The following EVC variants were observed in gnomAD, a reference collection of about 807,000 sequenced individuals.
The protein encoded by EVC is EvC ciliary complex subunit 1.
EVC carries 116 observed loss-of-function variants against 118.9 expected under a neutral mutation model. The observed-to-expected ratio is 0.98, with a 90% confidence interval of 0.84 to 1.14. EVC has a LOEUF of 1.14. Among genes scored for constraint, EVC ranks in the 50% most tolerant of loss-of-function variants. EVC has a pLI of 0.00. For missense variants in EVC, 1,401 were observed against 1,246.4 expected, an observed-to-expected ratio of 1.12 and a Z score of -1.87; for synonymous variants, 619 against 534.7, an observed-to-expected ratio of 1.16 and a Z score of -2.18.
intron 11 of EVC, among the ~76,000 whole-genome samples, chr4:5,767,373 C>T (rs529114414): frequency 1.5e-5 from 2 of 134,732 alleles, no homozygotes; most frequent in South Asian, 5.1e-4. Flanking sequence ...GCCCTGCCCC[C>T]GGAGATGGAA....
chr4:5,821,588 C>G, the EVC span: 1 of 636,002 alleles, frequency 1.6e-6, no homozygotes, highest in Non-Finnish European at 2.7e-6. The surrounding 1 kb of genome is among the most constrained non-coding windows in gnomAD (Gnocchi z 4.4). Context: ...TCCAAGCAAA[C>G]ACACCACACT....
chr4:5,713,618 A>G (rs1723412327), intron 1 of EVC, among the ~76,000 whole-genome samples: 1 of 143,406 alleles, frequency 7.0e-6, no homozygotes, highest in Non-Finnish European at 1.5e-5. Context: ...CGGAGGTTGC[A>G]GTGAGCCAAG....
At chr4:5,800,709 G>A (rs1304061314) in intron 15 of EVC, among the ~76,000 whole-genome samples, 2 of 152,318 alleles carry the variant, frequency 1.3e-5, no homozygotes, top group East Asian at 3.9e-4. Flanking sequence ...GAGGGGTGGA[G>A]TGGGAGCCCC....
chr4:5,822,678 G>T, the EVC span, among the ~76,000 whole-genome samples: 10 of 152,178 alleles, frequency 6.6e-5, no homozygotes, highest in African/African-American at 2.4e-4. Context: ...AAGGTGGGAA[G>T]GATAGAGTCC....
chr4:5,745,047 G>A (rs1444092931), intron 6 of EVC, among the ~76,000 whole-genome samples, 157 bp from the exon 7 acceptor site: 1 of 150,482 alleles, frequency 6.6e-6, no homozygotes, highest in African/African-American at 2.5e-5. Flanking sequence ...TGAGAAAATG[G>A]GTCAAACCTC....
At chr4:5,767,676 G>T (rs1321972277) in intron 11 of EVC, among the ~76,000 whole-genome samples, 1 of 152,108 alleles carries the variant, frequency 6.6e-6, no homozygotes, top group Non-Finnish European at 1.5e-5. Flanking sequence ...GGTGCCATCT[G>T]TCACCCCTTT....
chr4:5,716,314 T>C (rs1305219490), intron 1 of EVC, among the ~76,000 whole-genome samples: 1 of 152,252 alleles, frequency 6.6e-6, no homozygotes, highest in Admixed American at 6.5e-5. Flanking sequence ...GGTTTTGGCC[T>C]AAAAGGGCCA....
rs1728070012 is a variant in EVC at position 5,738,771 on chromosome 4, T to C, written c.703-2945T>C. Among the ~76,000 whole-genome samples the C allele has an allele frequency of 6.6e-6, 1 of 152,086 alleles. No homozygotes were observed. On this transcript the variant is annotated intron_variant, in intron 5 of 20. Coordinates refer to ENST00000264956, the MANE Select transcript of EVC (RefSeq NM_153717.3). This position sits in a 1 kb window ranked among gnomAD's most constrained non-coding sequence, Gnocchi z 6.5. ...TAGTAGAGACGGGGTTTCACCATGT[T>C]GGCCAGGATGGGTCTCAATCTCTTG...
rs1046636960 is a variant in EVC, at chr4:5,743,311, C to T, written c.801+1497C>T. On this transcript the variant is annotated intron_variant, in intron 6 of 20. Transcript: ENST00000264956. The surrounding 1 kb of genome is among the most constrained non-coding windows in gnomAD (Gnocchi z 4.7). ...GAAAACAAGTCCTGCCAGTCTCCTA[C>T]CTCACCTTATCCTCACCATCATTGT... is the stretch of plus-strand genomic sequence containing the variant. Among the ~76,000 whole-genome samples, 1 of 152,186 alleles carries T rather than the reference C, an allele frequency of 6.6e-6. No individual in the cohort carries two copies. The highest frequency in any genetic ancestry group is 1.5e-5 in the Non-Finnish European group (1 of 68,034).
At chr4:5,732,630 C>G (rs1221984223) in intron 4 of EVC, among the ~76,000 whole-genome samples, 1 of 152,238 alleles carries the variant, frequency 6.6e-6, no homozygotes, top group Non-Finnish European at 1.5e-5. Context: ...ATTCTCTCTT[C>G]CCTGAGTCAG....
chr4:5,822,436 T>C, the EVC span, among the ~76,000 whole-genome samples: 1 of 150,110 alleles, frequency 6.7e-6, no homozygotes. Flanking sequence ...TGTGTGCATG[T>C]GCATGTGAAC....
At chr4:5,763,359 G>T (rs1208917687) in intron 11 of EVC, among the ~76,000 whole-genome samples, 1 of 146,800 alleles carries the variant, frequency 6.8e-6, no homozygotes, top group Non-Finnish European at 1.5e-5. Context: ...TGTTCTTTTG[G>T]CTTAGGATTG....
At position 5,742,216 on chromosome 4, in the gene EVC, G is replaced by T. The variant is rs1056571402; in HGVS notation, c.801+402G>T. Among the ~76,000 whole-genome samples the T allele has an allele frequency of 2.0e-5, 3 of 152,170 alleles. No individual in the cohort carries two copies. Among genetic ancestry groups the T allele is most frequent in the Non-Finnish European group, 2.9e-5 (2 of 68,026 alleles). On this transcript the variant is annotated intron_variant, in intron 6 of 20. Transcript: ENST00000264956. This position sits in a 1 kb window ranked among gnomAD's most constrained non-coding sequence, Gnocchi z 5.2. ...AGCAAAGAGTCAGGGCTTGGAGTCAGACTGGTTGAGGTTGGTATCCTGGCT... is the reference window on the plus strand; with the variant it reads ...AGCAAAGAGTCAGGGCTTGGAGTCATACTGGTTGAGGTTGGTATCCTGGCT...
In EVC at chr4:5,783,749, A is replaced by G. The variant is rs762075774; in HGVS notation, c.1761A>G (p.Leu587=). ...RQQWKLFQEL[L]EQDQQVWMEE... ...AGTGGAAACTCTTCCAGGAGCTCCT[A>G]GAGCAAGACCAGCAGGTGCGGGCAT... The change falls in exon 12 of 21, where the codon CTA becomes CTG. Residue 587 remains leucine (L), a synonymous_variant. Coordinates refer to ENST00000264956, the MANE Select transcript of EVC (RefSeq NM_153717.3). 3.1e-6 allele frequency: 5 copies of G among 1,612,466 alleles called. No homozygotes were observed. The highest frequency in any genetic ancestry group is 4.2e-6 in the Non-Finnish European group (5 of 1,179,236).
the EVC span, chr4:5,821,731 T>C: frequency 1.3e-6 from 2 of 1,573,650 alleles, no homozygotes; most frequent in Non-Finnish European, 1.7e-6. This position sits in a 1 kb window ranked among gnomAD's most constrained non-coding sequence, Gnocchi z 4.4. Flanking sequence ...CCCAGAATCC[T>C]TCAGGCTAGC....
chr4:5,785,202 G>C (rs1344462140), intron 12 of EVC, among the ~76,000 whole-genome samples: 1 of 152,202 alleles, frequency 6.6e-6, no homozygotes, highest in Non-Finnish European at 1.5e-5. Flanking sequence ...ACGCATGGGA[G>C]GCCTGGAGGT....
rs1040176023 is a variant in EVC at position 5,737,051 on chromosome 4, A to G, written c.702+3616A>G. ...AAAGAAAAAGTTCTTGAAGGAAATT[A>G]AAAGTGCTACGCCAGTGAACACACG... On this transcript the variant is annotated intron_variant, in intron 5 of 20. Coordinates refer to ENST00000264956, the MANE Select transcript of EVC (RefSeq NM_153717.3). This position sits in a 1 kb window ranked among gnomAD's most constrained non-coding sequence, Gnocchi z 5.0. 6.6e-6 allele frequency among the ~76,000 whole-genome samples: 1 copy of G among 152,368 alleles called. No individual in the cohort carries two copies. The highest frequency in any genetic ancestry group is 1.5e-5 in the Non-Finnish European group (1 of 68,038).
At chr4:5,782,536 GAAAAAAAAA>G (rs71171483) in intron 11 of EVC, among the ~76,000 whole-genome samples, 31 of 45,736 alleles carry the variant, frequency 6.8e-4, no homozygotes, top group East Asian at 2.8e-3. Flanking sequence ...TGTTTTAAAT[GAAAAAAAAA>G]AAAAAAAAAA....
rs150373930 is a variant in EVC at position 5,801,967 on chromosome 4, G to A, written c.2322G>A (p.Ala774=). The change falls in exon 16 of 21, where the codon GCG becomes GCA. Residue 774 remains alanine (A), a synonymous_variant. Transcript: ENST00000264956. ...RDDFKRTLME[A]AVESVYVTSA... is the part of the protein sequence containing the mutation. Reference sequence around the variant, plus strand: ...TCCCTCAGAGGACACTGATGGAGGCGGCAGTGGAGAGCGTCTACGTGACCA... The same window carrying A: ...TCCCTCAGAGGACACTGATGGAGGCAGCAGTGGAGAGCGTCTACGTGACCA... 3.1e-5 allele frequency: 50 copies of A among 1,613,674 alleles called. No homozygotes were observed. Among genetic ancestry groups the A allele is most frequent in the Admixed American group, 2.0e-4 (12 of 60,022 alleles).
Sources: gnomAD v4.1 joint callset for allele counts (sites outside exome capture counted in the v4.1 genomes callset) on GRCh38, gnomAD v4.1.1 for gene constraint, Gnocchi (gnomAD v3.1) non-coding constraint, MANE v1.5 for transcripts, NCBI Gene and HGNC (gene_info 2026-07-23, HGNC 2026-07-21) for gene names.